Variants in ITGB5 observed in about 807,000 individuals in gnomAD.
ITGB5 encodes the protein integrin subunit beta 5.
In ITGB5, 38 loss-of-function variants were observed where a neutral mutation model predicts 84.8. The ratio of observed to expected loss-of-function variants is 0.45; its 90% CI spans 0.35 to 0.59. ITGB5 has a LOEUF of 0.59. Among genes scored for constraint, ITGB5 ranks in the 20% least tolerant of loss-of-function variants. The pLI, the probability that ITGB5 is intolerant of heterozygous loss-of-function variation, is 0.01. For synonymous variants in ITGB5, 393 were observed against 414.4 expected (o/e 0.95, Z 0.63); for missense variants, 905 against 1,034.5 (o/e 0.87, Z 1.72).
chr3:124,810,900 C>T (rs2064489552), intron 8 of ITGB5, among the ~76,000 whole-genome samples: 1 of 150,898 alleles, frequency 6.6e-6, no homozygotes, highest in Non-Finnish European at 1.5e-5. Flanking sequence ...GCCTCTTGCT[C>T]TTGTGGGTTT....
chr3:124,763,663 AAG>A lies in ITGB5; in HGVS notation c.2358_2359del (p.Phe787GlnfsTer31). The A allele has an allele frequency of 4.4e-6, 7 of 1,600,512 alleles. No homozygotes were observed. The highest frequency in any genetic ancestry group is 6.0e-6 in the Non-Finnish European group (7 of 1,168,156). Reference sequence around the variant, plus strand: ...ATTGTAGGATTTGTTGAACTTGTTGAAGGTGAAGTCCACAGTGTGCGTGGAGA... The same window carrying A: ...ATTGTAGGATTTGTTGAACTTGTTGAGTGAAGTCCACAGTGTGCGTGGAGA... On this transcript the variant is annotated frameshift_variant, in exon 15 of 15. Transcript: ENST00000296181. LOFTEE classifies it high-confidence loss of function.
intron 2 of ITGB5, among the ~76,000 whole-genome samples, chr3:124,871,311 C>G (rs1050352398): frequency 6.6e-6 from 1 of 152,196 alleles, no homozygotes; most frequent in African/African-American, 2.4e-5. Context: ...TCTCCTGCCT[C>G]AGCCTCCCAA....
At chr3:124,848,275 TA>T in intron 4 of ITGB5, 33 bp downstream of exon 4, 2 of 1,607,638 alleles carry the variant, frequency 1.2e-6, no homozygotes, top group Non-Finnish European at 1.7e-6. Flanking sequence ...CTCCCACCCT[TA>T]AGTACCCAAC....
chr3:124,773,233 T>A (rs1043866867), intron 11 of ITGB5, among the ~76,000 whole-genome samples: 1 of 152,154 alleles, frequency 6.6e-6, no homozygotes, highest in Non-Finnish European at 1.5e-5. Flanking sequence ...TCTGATGATG[T>A]TTGTCAGCAT....
chr3:124,770,742 G>C (rs1199870785), intron 11 of ITGB5, among the ~76,000 whole-genome samples: 1 of 151,938 alleles, frequency 6.6e-6, no homozygotes, highest in Non-Finnish European at 1.5e-5. Context: ...CACTCTCCTG[G>C]GACTGACTTT....
chr3:124,832,380 C>T (rs2064872546), intron 5 of ITGB5, among the ~76,000 whole-genome samples: 1 of 152,228 alleles, frequency 6.6e-6, no homozygotes, highest in South Asian at 2.1e-4. Context: ...GAAGTTACTT[C>T]ACCTTTCTAG....
At chr3:124,821,288 G>A (rs747243400) in intron 6 of ITGB5, 25 bp downstream of exon 6, 30 of 1,599,286 alleles carry the variant, frequency 1.9e-5, no homozygotes, top group Non-Finnish European at 2.5e-5. Context: ...CAACAGGGAG[G>A]GGGGATCTGG....
chr3:124,813,469 A>C (rs1559947674), intron 8 of ITGB5, among the ~76,000 whole-genome samples: 2 of 152,196 alleles, frequency 1.3e-5, no homozygotes, highest in Non-Finnish European at 2.9e-5. Flanking sequence ...GCAGATGCCA[A>C]TCACAAGTAC....
rs1458190627 is a variant in ITGB5, at chr3:124,887,347, C to T, written c.-347G>A. On this transcript the variant is annotated 5_prime_UTR_variant, in exon 1 of 15. Transcript: ENST00000296181. ...AGACGCGCCCAGCGCCGAGACTCCC[C>T]CGCGCGCCGGCACACTCTGCCCCTG... The T allele has an allele frequency of 6.5e-6, 1 of 154,428 alleles. No individual in the cohort carries two copies. Among genetic ancestry groups the T allele is most frequent in the Non-Finnish European group, 1.4e-5 (1 of 69,612 alleles). The allele number at this position is 154,428 out of a possible 1,614,324, so 9.6% of individuals were successfully genotyped here. A position where few individuals can be genotyped will look rare whatever the true frequency, so the allele number is the denominator to read the frequency against.
At chr3:124,780,416 C>A (rs776683988) in intron 10 of ITGB5, among the ~76,000 whole-genome samples, 10 of 152,354 alleles carry the variant, frequency 6.6e-5, no homozygotes, top group Admixed American at 6.5e-5. Flanking sequence ...AGGCAGACGT[C>A]AGGCCCTCAG....
At chr3:124,884,685 T>G (rs1472047499) in intron 1 of ITGB5, among the ~76,000 whole-genome samples, 1 of 151,932 alleles carries the variant, frequency 6.6e-6, no homozygotes, top group Non-Finnish European at 1.5e-5. Flanking sequence ...AGTGAGACTC[T>G]GTCTCAAAAA....
chr3:124,885,116 C>A (rs1482944137), intron 1 of ITGB5, among the ~76,000 whole-genome samples: 1 of 152,030 alleles, frequency 6.6e-6, no homozygotes, highest in Non-Finnish European at 1.5e-5. Context: ...ACTAAAAATA[C>A]AAAAATTAGC....
At chr3:124,865,194 A>G (rs990956830) in intron 2 of ITGB5, among the ~76,000 whole-genome samples, 5 of 152,210 alleles carry the variant, frequency 3.3e-5, no homozygotes, top group African/African-American at 1.2e-4. Context: ...AGAAACAGGT[A>G]CAGAGGAGCC....
chr3:124,813,255 C>T (rs1038949693), intron 8 of ITGB5, among the ~76,000 whole-genome samples: 1 of 152,212 alleles, frequency 6.6e-6, no homozygotes, highest in Non-Finnish European at 1.5e-5. Context: ...AAAACCCAAA[C>T]TGTTTTTCCT....
intron 10 of ITGB5, among the ~76,000 whole-genome samples, chr3:124,795,887 A>G (rs2064214981): frequency 1.3e-5 from 2 of 152,374 alleles, no homozygotes; most frequent in South Asian, 4.1e-4. Context: ...CCTTGATTCT[A>G]GCCAAATAAG....
intron 10 of ITGB5, among the ~76,000 whole-genome samples, chr3:124,785,598 A>C (rs1009447415): frequency 2.0e-5 from 3 of 151,344 alleles, no homozygotes; most frequent in South Asian, 2.1e-4. Context: ...AAAAAAAAAA[A>C]AACCCCAAAA....
chr3:124,786,345 T>A (rs1423310600), intron 10 of ITGB5, among the ~76,000 whole-genome samples: 1 of 151,452 alleles, frequency 6.6e-6, no homozygotes, highest in Non-Finnish European at 1.5e-5. Context: ...GAGGCTGCAG[T>A]AGGCTACTGA....
intron 5 of ITGB5, among the ~76,000 whole-genome samples, chr3:124,821,734 C>T (rs2064707097): frequency 6.6e-6 from 1 of 152,230 alleles, no homozygotes; most frequent in African/African-American, 2.4e-5. Context: ...GCACCTGAAA[C>T]CCCCTCCCTC....
intron 3 of ITGB5, among the ~76,000 whole-genome samples, chr3:124,850,628 G>A (rs2065139018): frequency 1.3e-5 from 2 of 151,470 alleles, no homozygotes; most frequent in Admixed American, 6.6e-5. Context: ...CACCAGCATG[G>A]CACATGTATA....
Sources: gnomAD v4.1 joint callset for allele counts (sites outside exome capture counted in the v4.1 genomes callset) on GRCh38, gnomAD v4.1.1 for gene constraint, MANE v1.5 for transcripts, NCBI Gene and HGNC (gene_info 2026-07-23, HGNC 2026-07-21) for gene names.